The following AGO2 variants were observed in gnomAD, a reference collection of about 807,000 sequenced individuals.
AGO2 encodes argonaute RISC catalytic component 2.
In AGO2, 5 loss-of-function variants were observed where a neutral mutation model predicts 102.3. The observed-to-expected ratio is 0.05, with a 90% CI of 0.03 to 0.10. The LOEUF (loss-of-function observed/expected upper bound fraction) is 0.10. Ranked by LOEUF, AGO2 falls within the 10% of genes least tolerant of loss-of-function variation. The pLI is 1.00. For missense variants in AGO2, 541 were observed against 1,183.7 expected (o/e 0.46, Z 7.97); for synonymous variants, 449 against 473.1 (o/e 0.95, Z 0.66).
intron 1 of AGO2, among the ~76,000 whole-genome samples, chr8:140,599,526 A>G (rs1391729653): frequency 6.6e-6 from 1 of 152,158 alleles, no homozygotes; most frequent in African/African-American, 2.4e-5. Flanking sequence ...CTGCAGCTCC[A>G]GGTCCGACAC....
chr8:140,545,213 T>C (rs1564077917), intron 13 of AGO2, among the ~76,000 whole-genome samples: 1 of 152,146 alleles, frequency 6.6e-6, no homozygotes, highest in Non-Finnish European at 1.5e-5. Context: ...GCCGAACCCA[T>C]CACTGCTTGC....
chr8:140,618,653 A>T (rs2074174098), intron 1 of AGO2, among the ~76,000 whole-genome samples: 1 of 151,758 alleles, frequency 6.6e-6, no homozygotes, highest in Non-Finnish European at 1.5e-5. Context: ...CATGGTGAAA[A>T]CCCGTCTCTA....
At chr8:140,537,326 CTT>C (rs71504803) in intron 16 of AGO2, among the ~76,000 whole-genome samples, 7 of 144,720 alleles carry the variant, frequency 4.8e-5, no homozygotes, top group Admixed American at 6.9e-5. Context: ...GGTTTCTTTT[CTT>C]TTTTTTTTTT....
chr8:140,564,861 C>T (rs969598848), intron 3 of AGO2, among the ~76,000 whole-genome samples: 5 of 152,230 alleles, frequency 3.3e-5, no homozygotes, highest in Admixed American at 1.3e-4. Flanking sequence ...ACCAGCTGGG[C>T]GCAGTGGCTC....
chr8:140,570,912 CCT>C (rs1399393359), intron 3 of AGO2, among the ~76,000 whole-genome samples: 2 of 152,172 alleles, frequency 1.3e-5, no homozygotes, highest in Admixed American at 1.3e-4. Context: ...GAAAAACTAC[CCT>C]GATGCCCGCC....
chr8:140,557,231 G>A lies in AGO2; in HGVS notation c.884C>T (p.Pro295Leu). ...CGTCTGCCCGCTCTCCTGCTGCAGC[G>A]GGAATCTGAGGAGCAAAGGGGCTGT... ...TRRPASHQTF[P>L]LQQESGQTVE... Residue 295 changes from proline (P) to leucine (L), a missense_variant, in exon 8 of 19, where the codon CCG becomes CTG. By Grantham distance (98) the Pro-to-Leu change is moderately conservative (BLOSUM62 -3). Coordinates refer to ENST00000220592, the MANE Select transcript of AGO2 (RefSeq NM_012154.5). The surrounding 1 kb of genome is among the most constrained non-coding windows in gnomAD (Gnocchi z 5.9). 6.2e-7 allele frequency: 1 copy of A among 1,612,552 alleles called. No homozygotes were observed. Among genetic ancestry groups the A allele is most frequent in the Non-Finnish European group, 8.5e-7 (1 of 1,179,106 alleles).
At chr8:140,562,232 C>T (rs182181308) in intron 4 of AGO2, among the ~76,000 whole-genome samples, 1 of 152,344 alleles carries the variant, frequency 6.6e-6, no homozygotes, top group Admixed American at 6.5e-5. Flanking sequence ...ATAGGGAGGC[C>T]AACGTTCCGG....
At chr8:140,543,125 T>G (rs2072830471) in intron 14 of AGO2, among the ~76,000 whole-genome samples, 1 of 151,718 alleles carries the variant, frequency 6.6e-6, no homozygotes, top group African/African-American at 2.4e-5. Context: ...TGACAGTTAC[T>G]CTGTCTCACA....
At chr8:140,541,472 T>A in intron 14 of AGO2, 114 bp from the exon 15 acceptor site, 1 of 999,480 alleles carries the variant, frequency 1.0e-6, no homozygotes. Context: ...CTGGAACTCA[T>A]GTCACTGTCA....
intron 1 of AGO2, among the ~76,000 whole-genome samples, chr8:140,591,388 C>T (rs1024004099): frequency 3.3e-5 from 5 of 152,336 alleles, no homozygotes; most frequent in East Asian, 3.9e-4. Flanking sequence ...AAGACTGGAA[C>T]GCTGCGCTGA....
In AGO2 at chr8:140,631,173, T is replaced by C. The variant is rs909754628; in HGVS notation, c.22+4312A>G. On this transcript the variant is annotated intron_variant, in intron 1 of 18. Transcript: ENST00000220592. ...CCCAAAAAACAAAAATTTTGAGCAA[T>C]GGGGCTCTTTCTAAAACCATTAAAG... Among the ~76,000 whole-genome samples the C allele has an allele frequency of 2.0e-5, 3 of 151,294 alleles. No homozygotes were observed. The South Asian group carries it at 6.4e-4, about 32-fold the overall frequency.
intron 3 of AGO2, among the ~76,000 whole-genome samples, chr8:140,564,657 A>G (rs2073251679): frequency 6.6e-6 from 1 of 152,218 alleles, no homozygotes; most frequent in African/African-American, 2.4e-5. Flanking sequence ...AATAAACTAT[A>G]TAGGGCCAGG....
chr8:140,628,715 T>A (rs1441344645), intron 1 of AGO2, among the ~76,000 whole-genome samples: 1 of 151,926 alleles, frequency 6.6e-6, no homozygotes, highest in Non-Finnish European at 1.5e-5. Flanking sequence ...CAGTGAGCCA[T>A]GACTGTGCCA....
chr8:140,563,942 G>C (rs908038225), intron 3 of AGO2, among the ~76,000 whole-genome samples: 1 of 152,204 alleles, frequency 6.6e-6, no homozygotes, highest in South Asian at 2.1e-4. Context: ...CAGACTCTGC[G>C]GGCGTCACCT....
upstream of AGO2, chr8:140,638,272 TTG>T (rs1175620714): frequency 6.6e-6 from 1 of 152,236 alleles, no homozygotes; most frequent in Non-Finnish European, 1.5e-5. Context: ...AATAAATCAT[TTG>T]TTCCTAAAAC....
chr8:140,557,286 C>T lies in AGO2; in HGVS notation c.879-50G>A. The T allele has an allele frequency of 6.5e-7, 1 of 1,545,860 alleles. No individual in the cohort carries two copies. The highest frequency in any genetic ancestry group is 8.7e-7 in the Non-Finnish European group (1 of 1,145,820). ...GCCGAGGGCATCCCGGAGCCCCTTC[C>T]CCTGCGCTGCTTTTCATTTGCGTTT... On this transcript the variant is annotated intron_variant, in intron 7 of 18. Coordinates refer to ENST00000220592, the MANE Select transcript of AGO2 (RefSeq NM_012154.5). This position sits in a 1 kb window ranked among gnomAD's most constrained non-coding sequence, Gnocchi z 5.9.
intron 1 of AGO2, among the ~76,000 whole-genome samples, chr8:140,603,903 T>C (rs1220571486): frequency 1.3e-5 from 2 of 152,226 alleles, no homozygotes; most frequent in Non-Finnish European, 2.9e-5. Flanking sequence ...CCTCAGGGCT[T>C]GCAAAGGTGC....
At chr8:140,583,725 A>G (rs1386975799) in intron 2 of AGO2, among the ~76,000 whole-genome samples, 1 of 152,126 alleles carries the variant, frequency 6.6e-6, no homozygotes, top group African/African-American at 2.4e-5. Context: ...AATACAAAAA[A>G]TTAGCCAGGT....
At chr8:140,592,686 G>A (rs1236928561) in intron 1 of AGO2, 1 of 152,134 alleles carries the variant, frequency 6.6e-6, no homozygotes, top group Non-Finnish European at 1.5e-5. Context: ...GTAGAGACAG[G>A]GGTCTTGCTA....
Sources: gnomAD v4.1 joint callset for allele counts (sites outside exome capture counted in the v4.1 genomes callset) on GRCh38, gnomAD v4.1.1 for gene constraint, Gnocchi (gnomAD v3.1) non-coding constraint, MANE v1.5 for transcripts, NCBI Gene and HGNC (gene_info 2026-07-23, HGNC 2026-07-21) for gene names.